Variants in ROBO1 observed in about 807,000 individuals in gnomAD.
The protein encoded by ROBO1 is roundabout homolog 1.
In ROBO1, 149 loss-of-function variants were observed where a neutral mutation model predicts 195.9. That is an observed-to-expected ratio of 0.76 (90% CI 0.67 to 0.87). The LOEUF is 0.87. ROBO1 is among the 40% of genes least tolerant of loss of function. The pLI is 0.00. For missense variants in ROBO1, 1,933 were observed against 2,068.3 expected, an observed-to-expected ratio of 0.93 and a Z score of 1.27; for synonymous variants, 816 against 733.2, an observed-to-expected ratio of 1.11 and a Z score of -1.82.
chr3:78,860,329 T>A (rs1318877914), intron 4 of ROBO1, among the ~76,000 whole-genome samples: 156 of 143,514 alleles, frequency 1.1e-3, no homozygotes, highest in African/African-American at 3.7e-3. Context: ...TATATATATT[T>A]TTTTTTTTTT....
At chr3:78,818,812 C>CA (rs1225734265) in intron 4 of ROBO1, among the ~76,000 whole-genome samples, 1 of 152,220 alleles carries the variant, frequency 6.6e-6, no homozygotes, top group African/African-American at 2.4e-5. Context: ...CCCCCTCTAT[C>CA]ACAGTTTCGC....
At chr3:78,762,372 A>G (rs995892378) in intron 4 of ROBO1, among the ~76,000 whole-genome samples, 1 of 152,044 alleles carries the variant, frequency 6.6e-6, no homozygotes, top group Non-Finnish European at 1.5e-5. Context: ...CCTAAATACT[A>G]AAAGTTAGGA....
At chr3:79,121,941 G>C (rs1236435502) in intron 3 of ROBO1, among the ~76,000 whole-genome samples, 3 of 151,734 alleles carry the variant, frequency 2.0e-5, no homozygotes, top group African/African-American at 4.8e-5. Flanking sequence ...TTTAAATTTT[G>C]TGTCCTTGTC....
At chr3:78,655,676 A>G (rs950737591) in intron 18 of ROBO1, among the ~76,000 whole-genome samples, 1 of 152,200 alleles carries the variant, frequency 6.6e-6, no homozygotes, top group African/African-American at 2.4e-5. Context: ...ATGTATAGCA[A>G]TGAAGTTTAT....
At chr3:79,143,344 C>A (rs944940235) in intron 2 of ROBO1, among the ~76,000 whole-genome samples, 3 of 151,960 alleles carry the variant, frequency 2.0e-5, no homozygotes, top group African/African-American at 7.2e-5. Context: ...GTAAAAAATT[C>A]TCTCTAATTA....
chr3:79,566,532 A>G (rs867286155), intron 2 of ROBO1, among the ~76,000 whole-genome samples: 16 of 152,266 alleles, frequency 1.1e-4, no homozygotes, highest in South Asian at 2.1e-4. Context: ...AGTCTTTTAA[A>G]TATTGGTGCA....
intron 10 of ROBO1, among the ~76,000 whole-genome samples, chr3:78,674,462 T>C (rs1708273186): frequency 6.6e-6 from 1 of 152,190 alleles, no homozygotes; most frequent in Admixed American, 6.5e-5. Context: ...CCATGAAGAA[T>C]GAGACCACAG....
chr3:78,743,702 A>G (rs1166923670), intron 5 of ROBO1, among the ~76,000 whole-genome samples: 2 of 152,196 alleles, frequency 1.3e-5, no homozygotes, highest in African/African-American at 2.4e-5. Flanking sequence ...AGAAAGTTCT[A>G]CACATAACTC....
intron 4 of ROBO1, among the ~76,000 whole-genome samples, chr3:78,864,668 C>A (rs961867269): frequency 9.9e-5 from 15 of 151,684 alleles, no homozygotes; most frequent in African/African-American, 3.1e-4. Flanking sequence ...AGAATTTATA[C>A]CTCTCATCTT....
intron 2 of ROBO1, among the ~76,000 whole-genome samples, chr3:79,252,337 T>C (rs1029369537): frequency 2.6e-5 from 4 of 152,096 alleles, no homozygotes; most frequent in African/African-American, 9.7e-5. Flanking sequence ...TAAGTGTCCT[T>C]ATCTGGTGTC....
At chr3:79,160,661 T>A (rs2080941619) in intron 2 of ROBO1, among the ~76,000 whole-genome samples, 1 of 152,046 alleles carries the variant, frequency 6.6e-6, no homozygotes, top group Non-Finnish European at 1.5e-5. Context: ...TAATATGTCA[T>A]TCAACTAGTT....
chr3:79,435,670 T>C (rs2038860122), intron 2 of ROBO1, among the ~76,000 whole-genome samples: 1 of 152,106 alleles, frequency 6.6e-6, no homozygotes, highest in African/African-American at 2.4e-5. Flanking sequence ...ATTAATCAAA[T>C]TGAGTAAAGG....
At chr3:79,462,846 A>G (rs563063858) in intron 2 of ROBO1, among the ~76,000 whole-genome samples, 2 of 152,320 alleles carry the variant, frequency 1.3e-5, no homozygotes, top group East Asian at 3.9e-4. Flanking sequence ...TCTGTGGTGT[A>G]TTGCCACCTT....
chr3:79,740,298 A>T lies in ROBO1; in HGVS notation c.-51+27454T>A, dbSNP rs1703586754. 2.0e-5 allele frequency among the ~76,000 whole-genome samples: 3 copies of T among 149,436 alleles called. No individual in the cohort carries two copies. The South Asian group carries it at 6.3e-4, about 31-fold the overall frequency. ...GAGTTTTCAAATTTTACATAATGTA[A>T]ATGAACATACCTATTAATAAGTGAT... On this transcript the variant is annotated intron_variant, in intron 1 of 30. Transcript: ENST00000464233.
Position 78,598,090 on chromosome 3 carries a change from A to G in ROBO1, c.*823T>C, listed in dbSNP as rs1702944981. On this transcript the variant is annotated 3_prime_UTR_variant, in exon 31 of 31. Transcript: ENST00000464233. ...GGCCAGTTAAGACAGGGATGTTCTT[A>G]CTCAATTGGTCATTAAAAACATCCA... The G allele has an allele frequency of 6.6e-6, 1 of 152,588 alleles. No homozygotes were observed. The highest frequency in any genetic ancestry group is 1.5e-5 in the Non-Finnish European group (1 of 68,026). 9.5% of individuals were successfully genotyped at this position (152,588 alleles called of 1,614,324 possible). A position where few individuals can be genotyped will look rare whatever the true frequency, so the allele number is the denominator to read the frequency against.
At chr3:78,837,056 A>G (rs371917544) in intron 4 of ROBO1, among the ~76,000 whole-genome samples, 7 of 152,322 alleles carry the variant, frequency 4.6e-5, no homozygotes, top group African/African-American at 1.7e-4. Context: ...AATAAAAACA[A>G]TATAAAATGG....
chr3:78,973,989 T>C (rs1279845686), intron 3 of ROBO1, among the ~76,000 whole-genome samples: 1 of 152,090 alleles, frequency 6.6e-6, no homozygotes. Flanking sequence ...TAAGACTGAG[T>C]AGATGAGCTA....
chr3:79,221,339 A>C (rs993479286), intron 2 of ROBO1, among the ~76,000 whole-genome samples: 1 of 152,116 alleles, frequency 6.6e-6, no homozygotes, highest in African/African-American at 2.4e-5. Flanking sequence ...AATTGAAGAA[A>C]ATACACTTTT....
At position 78,987,846 on chromosome 3, in the gene ROBO1, G is replaced by A. The variant is rs546318258; in HGVS notation, c.173-48919C>T. Among the ~76,000 whole-genome samples, 3 of 152,166 alleles carry A rather than the reference G, an allele frequency of 2.0e-5. No individual in the cohort carries two copies. The South Asian group carries it at 6.2e-4, about 32-fold the overall frequency. ...CTGATGCGATTATTACACATTGCAT[G>A]CCTGTATCCAAATATCTCACAAACC... On this transcript the variant is annotated intron_variant, in intron 3 of 30. Transcript: ENST00000464233.
Sources: allele counts gnomAD v4.1 joint callset (sites outside exome capture counted in the v4.1 genomes callset), GRCh38; gene constraint gnomAD v4.1.1; transcripts MANE v1.5; gene names NCBI Gene and HGNC (gene_info 2026-07-23, HGNC 2026-07-21).